Variants in KSR2 observed in about 807,000 individuals in gnomAD.
KSR2 encodes the protein kinase suppressor of ras 2.
KSR2 carries 25 observed loss-of-function variants against 107.8 expected under a neutral mutation model. That is an observed-to-expected ratio of 0.23 (90% CI 0.17 to 0.32). The LOEUF is 0.32. Ranked by LOEUF, KSR2 falls within the 10% of genes least tolerant of loss-of-function variation. The pLI is 1.00. For synonymous variants in KSR2, 480 were observed against 507.0 expected, an observed-to-expected ratio of 0.95 and a Z score of 0.71; for missense variants, 887 against 1,268.9, an observed-to-expected ratio of 0.70 and a Z score of 4.57.
At chr12:117,736,902 C>T (rs555756368) in intron 4 of KSR2, among the ~76,000 whole-genome samples, 9 of 152,236 alleles carry the variant, frequency 5.9e-5, no homozygotes, top group African/African-American at 9.6e-5. Flanking sequence ...AGCTTATTCC[C>T]GAATAGGAGA....
At chr12:117,523,886 C>A (rs987693800) in intron 14 of KSR2, among the ~76,000 whole-genome samples, 1 of 152,090 alleles carries the variant, frequency 6.6e-6, no homozygotes, top group Non-Finnish European at 1.5e-5. Flanking sequence ...GCAGGAGAAT[C>A]GCTTGAACCC....
intron 3 of KSR2, among the ~76,000 whole-genome samples, chr12:117,768,042 G>A (rs1889308537): frequency 6.6e-6 from 1 of 152,142 alleles, no homozygotes; most frequent in Admixed American, 6.5e-5. Context: ...CCACACAGCT[G>A]CTTCAAGGTT....
chr12:117,814,889 A>G (rs1891318299), intron 3 of KSR2, among the ~76,000 whole-genome samples: 1 of 152,228 alleles, frequency 6.6e-6, no homozygotes, highest in African/African-American at 2.4e-5. Context: ...TTTGCTACTC[A>G]TGTCACAGCA....
chr12:117,929,344 G>A (rs1360075371), intron 1 of KSR2, among the ~76,000 whole-genome samples: 1 of 152,180 alleles, frequency 6.6e-6, no homozygotes, highest in Admixed American at 6.5e-5. Context: ...TCTCATGGTA[G>A]TGAATAAGTC....
In KSR2 at chr12:117,468,943, A is replaced by C. The variant is rs546383768; in HGVS notation, c.2846+719T>G. ...GTGAGTACCTGAGAGTGTCTGTGTG[A>C]GTGTGCCAACCATGAATACCTGGGA... is the stretch of plus-strand genomic sequence containing the variant. On this transcript the variant is annotated intron_variant, in intron 19 of 19. Coordinates refer to ENST00000339824, the MANE Select transcript of KSR2 (RefSeq NM_173598.6). Among the ~76,000 whole-genome samples the C allele has an allele frequency of 8.5e-5, 13 of 152,234 alleles. No homozygotes were observed. The East Asian group carries it at 2.3e-3, about 27-fold the overall frequency.
intron 14 of KSR2, among the ~76,000 whole-genome samples, chr12:117,511,694 T>A (rs976249768): frequency 2.0e-5 from 3 of 152,194 alleles, no homozygotes; most frequent in African/African-American, 7.2e-5. Context: ...TAAATATCCA[T>A]AGTGCCATTT....
intron 4 of KSR2, among the ~76,000 whole-genome samples, chr12:117,725,064 C>CCTCT (rs5801250): frequency 7.0e-6 from 1 of 142,706 alleles, no homozygotes; most frequent in Non-Finnish European, 1.5e-5. Flanking sequence ...GGCTTAATTC[C>CCTCT]CTCTCTCTCT....
At chr12:117,829,514 A>T (rs1891877189) in intron 3 of KSR2, among the ~76,000 whole-genome samples, 1 of 152,224 alleles carries the variant, frequency 6.6e-6, no homozygotes, top group Non-Finnish European at 1.5e-5. Flanking sequence ...GGGGCTTGGC[A>T]CAAAGAAAGG....
At chr12:117,473,243 G>A (rs962808427) in intron 17 of KSR2, among the ~76,000 whole-genome samples, 2 of 152,122 alleles carry the variant, frequency 1.3e-5, no homozygotes, top group African/African-American at 4.8e-5. Context: ...GCCCCCTCTG[G>A]GAACTGTGAG....
intron 19 of KSR2, chr12:117,467,911 A>AGGGTTTCTG (rs5801230): frequency 0.91 from 333,803 of 365,844 alleles, 153,741 homozygotes; most frequent in South Asian, 0.95. Context: ...GCTAGACCAC[A>AGGGTTTCTG]GTCCTGTGTT....
intron 1 of KSR2, among the ~76,000 whole-genome samples, chr12:117,860,656 C>T (rs2137245853): frequency 6.6e-6 from 1 of 152,180 alleles, no homozygotes; most frequent in East Asian, 1.9e-4. Context: ...GGAGGCGGCG[C>T]ACATTAGTAC....
chr12:117,682,103 A>T (rs1885387144), intron 4 of KSR2, among the ~76,000 whole-genome samples: 1 of 152,188 alleles, frequency 6.6e-6, no homozygotes, highest in African/African-American at 2.4e-5. Context: ...AAGAAATGAG[A>T]TCATGTCCTT....
chr12:117,968,312 G>GT lies in KSR2; in HGVS notation c.-58_-57insA. On this transcript the variant is annotated 5_prime_UTR_variant, in exon 1 of 20. Transcript: ENST00000339824. ...TCCTCCCAGAGAGAAAAAAGAGGGGGGGGAGTAGAGGTAGTCTACCCTCCG... is the reference window on the plus strand; with the variant it reads ...TCCTCCCAGAGAGAAAAAAGAGGGGGTGGGAGTAGAGGTAGTCTACCCTCCG... 1.4e-6 allele frequency: 2 copies of GT among 1,453,434 alleles called. No homozygotes were observed. Among genetic ancestry groups the GT allele is most frequent in the Admixed American group, 2.8e-5 (1 of 35,982 alleles). The allele number at this position is 1,453,434 out of a possible 1,614,324, so 90.0% of individuals were successfully genotyped here. A position where few individuals can be genotyped will look rare whatever the true frequency, so the allele number is the denominator to read the frequency against.
intron 1 of KSR2, among the ~76,000 whole-genome samples, chr12:117,959,224 T>C (rs1896595960): frequency 6.6e-6 from 1 of 152,170 alleles, no homozygotes; most frequent in Admixed American, 6.5e-5. Flanking sequence ...AGCTCCAAGC[T>C]CACACATCCA....
chr12:117,463,136 G>A lies in KSR2; in HGVS notation c.*4063C>T, dbSNP rs1870986040. ...GCAAACGAAGAGTTTTAAAGTCCAG[G>A]GAGTTGGTCCAGCCTTCAGGGCCTG... is the stretch of plus-strand genomic sequence containing the variant. On this transcript the variant is annotated 3_prime_UTR_variant, in exon 20 of 20. Coordinates refer to ENST00000339824, the MANE Select transcript of KSR2 (RefSeq NM_173598.6). The A allele has an allele frequency of 6.6e-6, 1 of 152,250 alleles. No homozygotes were observed. The highest frequency in any genetic ancestry group is 1.5e-5 in the Non-Finnish European group (1 of 68,082). 9.4% of individuals were successfully genotyped at this position (152,250 alleles called of 1,614,324 possible).
At chr12:117,576,665 T>A (rs537355227) in intron 7 of KSR2, among the ~76,000 whole-genome samples, 1 of 151,046 alleles carries the variant, frequency 6.6e-6, no homozygotes, top group East Asian at 2.0e-4. Flanking sequence ...CCTGGCTAAT[T>A]TTTTACCTTA....
intron 4 of KSR2, among the ~76,000 whole-genome samples, chr12:117,673,476 A>G (rs1242492459): frequency 1.3e-5 from 2 of 152,154 alleles, no homozygotes; most frequent in African/African-American, 2.4e-5. Flanking sequence ...GGAAGGATGG[A>G]AAAGGGAAGA....
At chr12:117,675,957 G>A (rs924569119) in intron 4 of KSR2, among the ~76,000 whole-genome samples, 1 of 152,198 alleles carries the variant, frequency 6.6e-6, no homozygotes, top group Non-Finnish European at 1.5e-5. Context: ...GTCTTACACA[G>A]GGCTATGAGC....
intron 3 of KSR2, among the ~76,000 whole-genome samples, chr12:117,786,227 AT>A (rs1442866040): frequency 6.6e-6 from 1 of 152,128 alleles, no homozygotes; most frequent in Non-Finnish European, 1.5e-5. Flanking sequence ...AAAGAAGTAT[AT>A]TTTTTCAATC....
Sources: allele counts gnomAD v4.1 joint callset (sites outside exome capture counted in the v4.1 genomes callset), GRCh38; gene constraint gnomAD v4.1.1; transcripts MANE v1.5; gene names NCBI Gene and HGNC (gene_info 2026-07-23, HGNC 2026-07-21).